FGF12: variants seen among roughly 807,000 people sequenced by gnomAD.
FGF12 encodes fibroblast growth factor 12.
Under a neutral mutation model 23.6 loss-of-function variants are expected in FGF12, and 14 were observed. That is an observed-to-expected ratio of 0.59 (90% confidence interval 0.39 to 0.93). The LOEUF (loss-of-function observed/expected upper bound fraction) is 0.93. Ranked by LOEUF, FGF12 falls within the 40% of genes least tolerant of loss-of-function variation. The probability of loss-of-function intolerance (pLI) is 0.00; values close to 1 mark genes in which losing one functional copy is unlikely to be tolerated. For missense variants in FGF12, 175 were observed against 217.8 expected (o/e 0.80, Z 1.24); for synonymous variants, 62 against 77.3 (o/e 0.80, Z 1.04).
At chr3:192,346,850 T>C (rs1448660336) in intron 3 of FGF12, among the ~76,000 whole-genome samples, 1 of 152,128 alleles carries the variant, frequency 6.6e-6, no homozygotes, top group Non-Finnish European at 1.5e-5. Context: ...GGGCCTCCTT[T>C]TATAATAAAA....
intron 2 of FGF12, among the ~76,000 whole-genome samples, chr3:192,495,765 C>T (rs1723937085): frequency 6.6e-6 from 1 of 152,116 alleles, no homozygotes; most frequent in African/African-American, 2.4e-5. Flanking sequence ...CTCTCAAGCT[C>T]AAGTGATCCT....
intron 2 of FGF12, among the ~76,000 whole-genome samples, chr3:192,543,508 G>T (rs906188583): frequency 6.6e-6 from 1 of 152,054 alleles, no homozygotes; most frequent in African/African-American, 2.4e-5. Context: ...CCCCATTGTG[G>T]CCGAGCTGGT....
rs1560091775 is a variant in FGF12 at position 192,378,072 on chromosome 3, T to TTCTG, written c.14-17535_14-17534insCAGA. On this transcript the variant is annotated intron_variant, in intron 2 of 5. Transcript: ENST00000445105. Reference sequence around the variant, plus strand: ...TTTCTTTCTTTCTTTCTTTCTTTCTTTCTTTCTTTCTTTCTTTCTTTCTTC... The same window carrying TTCTG: ...TTTCTTTCTTTCTTTCTTTCTTTCTTTCTGTCTTTCTTTCTTTCTTTCTTTCTTC... 2.3e-4 allele frequency among the ~76,000 whole-genome samples: 28 copies of TTCTG among 119,278 alleles called. 2 individuals are homozygous for TTCTG. The highest frequency in any genetic ancestry group is 1.8e-3 in the Admixed American group (21 of 11,638). 78.3% of individuals were successfully genotyped at this position (119,278 alleles called of 152,430 possible). A position where few individuals can be genotyped will look rare whatever the true frequency, so the allele number is the denominator to read the frequency against.
In FGF12 at chr3:192,300,695, G is replaced by A. The variant is rs565789818; in HGVS notation, c.228+34666C>T. 8.5e-5 allele frequency among the ~76,000 whole-genome samples: 13 copies of A among 152,158 alleles called. No homozygotes were observed. In the South Asian group the frequency reaches 2.5e-3, roughly 29 times the overall value. On this transcript the variant is annotated intron_variant, in intron 4 of 5. Coordinates refer to ENST00000445105, the MANE Select transcript of FGF12 (RefSeq NM_004113.6). ...TCCCTAGACTTCACAAGACTGCCAA[G>A]TTGATCCATGGCACAAAACGGTTAA...
intron 2 of FGF12, among the ~76,000 whole-genome samples, chr3:192,686,012 C>CAATCA (rs770508077): frequency 6.6e-6 from 1 of 152,022 alleles, no homozygotes; most frequent in Non-Finnish European, 1.5e-5. Context: ...AAGCGTGGCG[C>CAATCA]AATCAGGGAT....
chr3:192,324,509 T>A (rs951602853), intron 4 of FGF12, among the ~76,000 whole-genome samples: 2 of 152,222 alleles, frequency 1.3e-5, no homozygotes, highest in African/African-American at 4.8e-5. Context: ...TTTACGTGCA[T>A]CTTTCCATTT....
intron 2 of FGF12, among the ~76,000 whole-genome samples, chr3:192,466,838 T>C (rs910322346): frequency 2.0e-5 from 3 of 152,176 alleles, no homozygotes; most frequent in Non-Finnish European, 2.9e-5. Flanking sequence ...CCCTGGCTTC[T>C]CCTCATTATA....
chr3:192,583,405 G>A (rs139046951), intron 2 of FGF12, among the ~76,000 whole-genome samples: 1 of 152,062 alleles, frequency 6.6e-6, no homozygotes, highest in Non-Finnish European at 1.5e-5. Context: ...TACTGTTACC[G>A]GTCCTAAAAA....
chr3:192,372,049 A>G (rs1370923786), intron 2 of FGF12, among the ~76,000 whole-genome samples: 4 of 152,184 alleles, frequency 2.6e-5, no homozygotes, highest in Non-Finnish European at 1.5e-5. Flanking sequence ...GCGGGGCTGT[A>G]GACACTTCTA....
At chr3:192,693,001 A>G (rs1717995634) in intron 2 of FGF12, among the ~76,000 whole-genome samples, 1 of 152,098 alleles carries the variant, frequency 6.6e-6, no homozygotes, top group Non-Finnish European at 1.5e-5. Flanking sequence ...AAGGTATCCA[A>G]ATATAAACTA....
intron 3 of FGF12, among the ~76,000 whole-genome samples, chr3:192,340,639 T>G (rs910739668): frequency 6.6e-6 from 1 of 152,152 alleles, no homozygotes; most frequent in Non-Finnish European, 1.5e-5. Context: ...GCTGGTACTC[T>G]TGGCTTCCAT....
At chr3:192,558,650 T>C (rs1711890380) in intron 2 of FGF12, among the ~76,000 whole-genome samples, 2 of 151,786 alleles carry the variant, frequency 1.3e-5, no homozygotes, top group Non-Finnish European at 3.0e-5. Flanking sequence ...GCCAAAATGA[T>C]TTGAGAGAGA....
At chr3:192,374,476 T>C (rs1719383681) in intron 2 of FGF12, among the ~76,000 whole-genome samples, 1 of 152,220 alleles carries the variant, frequency 6.6e-6, no homozygotes, top group Non-Finnish European at 1.5e-5. Context: ...ATTATCTTGA[T>C]TATGATTTGA....
intron 2 of FGF12, among the ~76,000 whole-genome samples, chr3:192,527,543 C>T (rs1378092981): frequency 1.3e-5 from 2 of 152,098 alleles, no homozygotes; most frequent in Non-Finnish European, 2.9e-5. Flanking sequence ...ACATTGTAAG[C>T]ATTCAATATG....
At chr3:192,524,795 A>G (rs1724902489) in intron 2 of FGF12, among the ~76,000 whole-genome samples, 1 of 152,142 alleles carries the variant, frequency 6.6e-6, no homozygotes, top group Admixed American at 6.5e-5. Context: ...CAAACATCTT[A>G]AAGAAGAGGC....
At chr3:192,254,789 C>T (rs1026054459) in intron 4 of FGF12, among the ~76,000 whole-genome samples, 1 of 152,004 alleles carries the variant, frequency 6.6e-6, no homozygotes, top group Non-Finnish European at 1.5e-5. Context: ...TTTAACAATT[C>T]AATCAAAAGA....
At chr3:192,225,009 C>A (rs539951841) in intron 4 of FGF12, among the ~76,000 whole-genome samples, 1 of 152,150 alleles carries the variant, frequency 6.6e-6, no homozygotes, top group African/African-American at 2.4e-5. Flanking sequence ...CCAGCACCTG[C>A]CTTGCCCATC....
intron 5 of FGF12, among the ~76,000 whole-genome samples, chr3:192,156,982 G>T (rs9845315): frequency 6.6e-6 from 1 of 151,802 alleles, no homozygotes; most frequent in Non-Finnish European, 1.5e-5. Flanking sequence ...TAGAGCTATC[G>T]TAGATTGAAA....
rs1717250573 is a variant in FGF12, at chr3:192,199,525, A to G, written c.229-28869T>C. ...CAGCTAACAAATGGAGGCCAAATGTATATGTGGCCTTCTTTCACAAGCAGG... is the reference window on the plus strand; with the variant it reads ...CAGCTAACAAATGGAGGCCAAATGTGTATGTGGCCTTCTTTCACAAGCAGG... On this transcript the variant is annotated intron_variant, in intron 4 of 5. Coordinates refer to ENST00000445105, the MANE Select transcript of FGF12 (RefSeq NM_004113.6). Among the ~76,000 whole-genome samples the G allele has an allele frequency of 2.0e-5, 3 of 152,214 alleles. No individual in the cohort carries two copies. The South Asian group carries it at 6.2e-4, about 32-fold the overall frequency.
Sources: allele counts gnomAD v4.1 joint callset (sites outside exome capture counted in the v4.1 genomes callset), GRCh38; gene constraint gnomAD v4.1.1; transcripts MANE v1.5; gene names NCBI Gene and HGNC (gene_info 2026-07-23, HGNC 2026-07-21).